Variants in LAMA2 observed in about 807,000 individuals in gnomAD.
LAMA2 encodes laminin subunit alpha 2.
LAMA2 carries 269 observed loss-of-function variants against 364.8 expected under a neutral mutation model. That is an observed-to-expected ratio of 0.74 (90% confidence interval 0.67 to 0.82). The LOEUF (loss-of-function observed/expected upper bound fraction) is 0.82. Among genes scored for constraint, LAMA2 ranks in the 40% least tolerant of loss-of-function variants. The probability of loss-of-function intolerance (pLI) is 0.00; values close to 1 mark genes in which losing one functional copy is unlikely to be tolerated. For synonymous variants in LAMA2, 1,379 were observed against 1,370.6 expected, an observed-to-expected ratio of 1.01 and a Z score of -0.14; for missense variants, 3,807 against 3,873.2, an observed-to-expected ratio of 0.98 and a Z score of 0.45.
intron 12 of LAMA2, among the ~76,000 whole-genome samples, chr6:129,230,186 A>C (rs1239131984): frequency 1.3e-5 from 2 of 152,146 alleles, no homozygotes; most frequent in African/African-American, 4.8e-5. Flanking sequence ...GTGACCAAAA[A>C]AGTAGAAGGA....
intron 2 of LAMA2, among the ~76,000 whole-genome samples, chr6:129,056,351 C>A (rs975258040): frequency 3.9e-5 from 6 of 152,082 alleles, no homozygotes; most frequent in African/African-American, 1.4e-4. Context: ...TGACATCTTC[C>A]CTAGCTTCAA....
rs372296755 is a variant in LAMA2, at chr6:129,075,929, T to A, written c.396+16033T>A. Among the ~76,000 whole-genome samples the A allele has an allele frequency of 4.5e-4, 68 of 151,832 alleles. 1 individual carries two copies. In the South Asian group the frequency reaches 0.013, roughly 29 times the overall value. On this transcript the variant is annotated intron_variant, in intron 3 of 64. Transcript: ENST00000421865. ...CGGGCAACAAAGTGAGACCCCTATC[T>A]CTACAAAAAAAAGCAAAAAATTAGC...
intron 1 of LAMA2, among the ~76,000 whole-genome samples, chr6:128,917,734 C>CTTTTT (rs147581913): frequency 1.3e-4 from 15 of 111,752 alleles, no homozygotes; most frequent in African/African-American, 3.6e-4. Flanking sequence ...TTCTTTCTTT[C>CTTTTT]TTTTTTTTTT....
Position 129,312,812 on chromosome 6 carries a change from A to G in LAMA2, c.3175-49A>G, listed in dbSNP as rs749018254. The G allele has an allele frequency of 2.4e-6, 3 of 1,270,420 alleles. No individual in the cohort carries two copies. In the Admixed American group the frequency reaches 5.2e-5, roughly 22 times the overall value. 78.7% of individuals were successfully genotyped at this position (1,270,420 alleles called of 1,614,324 possible). A position where few individuals can be genotyped will look rare whatever the true frequency, so the allele number is the denominator to read the frequency against. On this transcript the variant is annotated intron_variant, in intron 22 of 64. Coordinates refer to ENST00000421865, the MANE Select transcript of LAMA2 (RefSeq NM_000426.4). ...AACATTAGAATTAAAATTTTAAGAT[A>G]TTTCCCATAAAGTTGTGTTAATGGT...
At chr6:129,053,629 A>G (rs545684087) in intron 2 of LAMA2, among the ~76,000 whole-genome samples, 15 of 152,316 alleles carry the variant, frequency 9.8e-5, no homozygotes, top group Non-Finnish European at 1.9e-4. Context: ...AGGAAGAAAA[A>G]GTAACAGTTT....
At chr6:129,375,696 CT>C (rs1257123598) in intron 34 of LAMA2, among the ~76,000 whole-genome samples, 1 of 152,212 alleles carries the variant, frequency 6.6e-6, no homozygotes, top group Non-Finnish European at 1.5e-5. Context: ...TTTTCCCTCA[CT>C]GTATAACACT....
chr6:129,363,642 G>C (rs1302408196), intron 32 of LAMA2, among the ~76,000 whole-genome samples: 1 of 152,196 alleles, frequency 6.6e-6, no homozygotes, highest in East Asian at 1.9e-4. Flanking sequence ...TATCACCTGG[G>C]AGCTTGTTAG....
Position 128,994,639 on chromosome 6 carries a change from A to G in LAMA2, c.113-55279A>G, listed in dbSNP as rs536635342. Among the ~76,000 whole-genome samples the G allele has an allele frequency of 4.9e-4, 75 of 152,148 alleles. 1 individual carries two copies. The highest frequency in any genetic ancestry group is 2.1e-4 in the Non-Finnish European group (14 of 68,010). On this transcript the variant is annotated intron_variant, in intron 1 of 64. Transcript: ENST00000421865. ...CACAGGAATCCTGAGTACATACCTA[A>G]TACTATCCTCTACTGTATAGAAATT...
At chr6:129,301,301 T>C (rs369170115) in intron 22 of LAMA2, among the ~76,000 whole-genome samples, 208 of 152,234 alleles carry the variant, frequency 1.4e-3, no homozygotes, top group Middle Eastern at 3.4e-3. Flanking sequence ...TTTAACAACA[T>C]TTAGCTTGGA....
At chr6:129,369,730 G>A (rs1238674326) in intron 33 of LAMA2, among the ~76,000 whole-genome samples, 162 bp from the exon 34 acceptor site, 1 of 152,148 alleles carries the variant, frequency 6.6e-6, no homozygotes, top group Non-Finnish European at 1.5e-5. Context: ...TGAATATTTG[G>A]CATGACACTC....
At chr6:129,115,949 C>A (rs1485454161) in intron 4 of LAMA2, among the ~76,000 whole-genome samples, 53 of 152,098 alleles carry the variant, frequency 3.5e-4, no homozygotes, top group Admixed American at 3.5e-3. Flanking sequence ...ACAATTTCTT[C>A]TTTTCCTGAC....
chr6:129,122,377 A>G (rs1405223481), intron 4 of LAMA2, among the ~76,000 whole-genome samples: 2 of 152,096 alleles, frequency 1.3e-5, no homozygotes, highest in African/African-American at 4.8e-5. Context: ...GGGAGCTTCA[A>G]TTTGTACATG....
intron 1 of LAMA2, among the ~76,000 whole-genome samples, chr6:128,968,602 C>A (rs1781999167): frequency 6.6e-6 from 1 of 152,098 alleles, no homozygotes; most frequent in Non-Finnish European, 1.5e-5. Context: ...CAGCAAGGGA[C>A]TTTTCAGCTC....
At chr6:128,980,328 A>G (rs1782786368) in intron 1 of LAMA2, among the ~76,000 whole-genome samples, 1 of 152,220 alleles carries the variant, frequency 6.6e-6, no homozygotes, top group Non-Finnish European at 1.5e-5. Flanking sequence ...TGAAATGTCA[A>G]TACTGCACAA....
In LAMA2 at chr6:129,514,507, CG is replaced by C; in HGVS notation, c.9124del (p.Asp3042MetfsTer37). On this transcript the variant is annotated frameshift_variant, in exon 64 of 65. Coordinates refer to ENST00000421865, the MANE Select transcript of LAMA2 (RefSeq NM_000426.4). LOFTEE classifies it high-confidence loss of function. The stretch of plus-strand genomic sequence containing the variant: ...TCAAACACCGCATTGAGCTCACAGT[CG>C]ATGGGAACCAGGTGGAAGCCCAAAG... The part of the protein sequence containing the change: ...KIKHRIELTV[D>X]GNQVEAQSPN... 1 of 1,614,084 alleles carries C rather than the reference CG, an allele frequency of 6.2e-7. No individual in the cohort carries two copies. Among genetic ancestry groups the C allele is most frequent in the Admixed American group, 1.7e-5 (1 of 59,994 alleles).
At chr6:129,507,231 A>C (rs953386824) in intron 61 of LAMA2, among the ~76,000 whole-genome samples, 37 of 152,084 alleles carry the variant, frequency 2.4e-4, no homozygotes, top group African/African-American at 8.5e-4. Flanking sequence ...ATGGAGACAT[A>C]GTGTGCAGTA....
Position 129,280,123 on chromosome 6 carries a change from G to A in LAMA2, c.2513G>A (p.Gly838Glu), listed in dbSNP as rs779877337. ...LGLICDGCPV[G>E]YTGPRCERCA... The stretch of plus-strand genomic sequence containing the variant: ...TTGATCTGTGATGGATGCCCTGTCG[G>A]GTACACAGGACCACGCTGTGAGAGG... The change falls in exon 18 of 65, where the codon GGG becomes GAG. Residue 838 changes from glycine (G) to glutamate (E), a missense_variant. By Grantham distance (98) the Gly-to-Glu change is moderately conservative. Coordinates refer to ENST00000421865, the MANE Select transcript of LAMA2 (RefSeq NM_000426.4). The A allele has an allele frequency of 1.4e-5, 22 of 1,611,638 alleles. No individual in the cohort carries two copies. In the African/African-American group the frequency reaches 2.5e-4, roughly 19 times the overall value.
chr6:129,199,159 C>T (rs1782028059), intron 12 of LAMA2, among the ~76,000 whole-genome samples: 1 of 151,992 alleles, frequency 6.6e-6, no homozygotes, highest in African/African-American at 2.4e-5. Context: ...GCTAAATTGG[C>T]CAAGTGGATT....
chr6:129,409,563 C>T (rs1389929485), intron 40 of LAMA2, among the ~76,000 whole-genome samples: 1 of 152,186 alleles, frequency 6.6e-6, no homozygotes, highest in African/African-American at 2.4e-5. Context: ...TGATGACCTA[C>T]AGTCAAACAT....
Sources: gnomAD v4.1 joint callset for allele counts (sites outside exome capture counted in the v4.1 genomes callset) on GRCh38, gnomAD v4.1.1 for gene constraint, MANE v1.5 for transcripts, NCBI Gene and HGNC (gene_info 2026-07-23, HGNC 2026-07-21) for gene names.